The following KIF26B variants were observed in gnomAD, a reference collection of about 807,000 sequenced individuals.
KIF26B encodes the protein kinesin family member 26B, also known as kinesin-like protein KIF26B.
Under a neutral mutation model 151.2 loss-of-function variants are expected in KIF26B, and 63 were observed. The observed-to-expected ratio is 0.42, with a 90% confidence interval of 0.34 to 0.51. The LOEUF is 0.51. KIF26B is among the 20% of genes least tolerant of loss of function. KIF26B has a pLI of 0.07. For missense variants in KIF26B, 2,813 were observed against 2,913.6 expected (o/e 0.97, Z 0.79); for synonymous variants, 1,357 against 1,262.1 (o/e 1.08, Z -1.59).
intron 2 of KIF26B, among the ~76,000 whole-genome samples, chr1:245,158,219 A>G (rs1289981864): frequency 6.6e-6 from 1 of 152,150 alleles, no homozygotes; most frequent in African/African-American, 2.4e-5. Flanking sequence ...TATTCTTATA[A>G]TAGGCTTATT....
chr1:245,591,434 T>C (rs931401558), intron 5 of KIF26B, among the ~76,000 whole-genome samples: 1 of 152,222 alleles, frequency 6.6e-6, no homozygotes, highest in African/African-American at 2.4e-5. Flanking sequence ...AGGCCAGTAC[T>C]GTTATTATGG....
rs143765084 is a variant in KIF26B, at chr1:245,266,230, A to G, written c.466-100604A>G. 4.2e-3 allele frequency among the ~76,000 whole-genome samples: 636 copies of G among 152,316 alleles called. 3 individuals are homozygous for G. Among genetic ancestry groups the G allele is most frequent in the African/African-American group, 0.015 (610 of 41,570 alleles). On this transcript the variant is annotated intron_variant, in intron 2 of 14. Coordinates refer to ENST00000407071, the MANE Select transcript of KIF26B (RefSeq NM_018012.4). ...ATCAGAATTTAGGAACCCCAAATTAAAGCCATAATGATATACCATTTGATA... is the reference window on the plus strand; with the variant it reads ...ATCAGAATTTAGGAACCCCAAATTAGAGCCATAATGATATACCATTTGATA...
chr1:245,607,877 A>G (rs2043473647), intron 7 of KIF26B, 133 bp downstream of exon 7: 1 of 673,110 alleles, frequency 1.5e-6, no homozygotes, highest in Admixed American at 2.8e-5. Flanking sequence ...CTGAATAACC[A>G]ATAACAAGTT....
chr1:245,536,222 A>G (rs1220613488), intron 4 of KIF26B, among the ~76,000 whole-genome samples: 1 of 152,200 alleles, frequency 6.6e-6, no homozygotes, highest in African/African-American at 2.4e-5. Context: ...ATGGCTTATG[A>G]AAGTATCTGG....
At chr1:245,497,536 A>T (rs545027590) in intron 4 of KIF26B, among the ~76,000 whole-genome samples, 64 of 152,218 alleles carry the variant, frequency 4.2e-4, no homozygotes, top group Admixed American at 2.7e-3. Flanking sequence ...CTACTTGTAA[A>T]TAACCAACAG....
chr1:245,248,977 G>C (rs1481876042), intron 2 of KIF26B, among the ~76,000 whole-genome samples: 1 of 152,222 alleles, frequency 6.6e-6, no homozygotes, highest in Non-Finnish European at 1.5e-5. Context: ...TTTTTAGAGA[G>C]AGGTTTGAAA....
At chr1:245,388,371 CA>C (rs1244904333) in intron 3 of KIF26B, among the ~76,000 whole-genome samples, 2 of 152,152 alleles carry the variant, frequency 1.3e-5, no homozygotes, top group African/African-American at 4.8e-5. Context: ...ACTAAAGTAG[CA>C]CTTGCAGGAT....
At chr1:245,263,588 CTGTTG>C (rs1379463516) in intron 2 of KIF26B, among the ~76,000 whole-genome samples, 1 of 152,210 alleles carries the variant, frequency 6.6e-6, no homozygotes. Context: ...GCAGCGCCTG[CTGTTG>C]ATTTCATTTG....
rs138812443 is a variant in KIF26B, at chr1:245,555,329, G to A, written c.1350+14379G>A. On this transcript the variant is annotated intron_variant, in intron 5 of 14. Transcript: ENST00000407071. ...ACCAGACCATGAGAAGGTCATGAGC[G>A]CCTGGAACTAAGATCTCTCGAGTGC... Among the ~76,000 whole-genome samples, 371 of 152,260 alleles carry A rather than the reference G, an allele frequency of 2.4e-3. 1 individual carries two copies. Among genetic ancestry groups the A allele is most frequent in the Non-Finnish European group, 3.9e-3 (268 of 68,024 alleles).
intron 5 of KIF26B, among the ~76,000 whole-genome samples, chr1:245,547,169 T>C (rs1175837123): frequency 6.6e-6 from 1 of 152,222 alleles, no homozygotes; most frequent in Admixed American, 6.5e-5. Context: ...CACAGGGGCT[T>C]TCTTCTATGC....
At position 245,686,260 on chromosome 1, in the gene KIF26B, AC is replaced by A; in HGVS notation, c.3280del (p.Gln1094ArgfsTer38). The A allele has an allele frequency of 6.2e-7, 1 of 1,612,658 alleles. No homozygotes were observed. Among genetic ancestry groups the A allele is most frequent in the Non-Finnish European group, 8.5e-7 (1 of 1,179,850 alleles). On this transcript the variant is annotated frameshift_variant, in exon 12 of 15. Transcript: ENST00000407071. LOFTEE classifies it high-confidence loss of function. The surrounding 1 kb of genome is among the most constrained non-coding windows in gnomAD (Gnocchi z 5.6). ...TCCTTCCCAGAGATGCAAAGTCTAC[AC>A]CCAGAAGGGGGTCCTGCCGTCTCCC... ...SSPSQRCKVYTQKGVLPSPAP... is the reference protein window; with the variant it reads ...SSPSQRCKVYXQKGVLPSPAP...
chr1:245,230,693 A>G, intron 2 of KIF26B, among the ~76,000 whole-genome samples: 1 of 152,014 alleles, frequency 6.6e-6, no homozygotes, highest in East Asian at 1.9e-4. Flanking sequence ...TGGTGAGCCA[A>G]GATTGCGCCA....
intron 2 of KIF26B, among the ~76,000 whole-genome samples, chr1:245,240,174 G>A (rs2103559492): frequency 6.6e-6 from 1 of 152,198 alleles, no homozygotes; most frequent in South Asian, 2.1e-4. Flanking sequence ...AAAAAAAAGA[G>A]AGTCATTTCC....
At chr1:245,633,411 ATGG>A (rs925208893) in intron 9 of KIF26B, among the ~76,000 whole-genome samples, 2 of 151,784 alleles carry the variant, frequency 1.3e-5, no homozygotes, top group African/African-American at 4.8e-5. Context: ...CTGTTTTATG[ATGG>A]TTTTGTATAT....
At chr1:245,316,843 T>TTCAACGGAACAAGGACCCC (rs529833862) in intron 2 of KIF26B, among the ~76,000 whole-genome samples, 1 of 139,380 alleles carries the variant, frequency 7.2e-6, no homozygotes, top group African/African-American at 2.6e-5. Context: ...TCAAGGACCC[T>TTCAACGGAACAAGGACCCC]CACAATCACC....
intron 10 of KIF26B, among the ~76,000 whole-genome samples, chr1:245,676,027 C>G (rs2044353457): frequency 6.6e-6 from 1 of 152,140 alleles, no homozygotes; most frequent in Non-Finnish European, 1.5e-5. Context: ...AGCAGATCAC[C>G]TGTTACCATG....
chr1:245,344,494 CAAAAAAAA>C (rs57007301), intron 2 of KIF26B, among the ~76,000 whole-genome samples: 29 of 39,982 alleles, frequency 7.3e-4, no homozygotes, highest in African/African-American at 1.2e-3. Context: ...GACTCCGTCT[CAAAAAAAA>C]AAAAAAAAAA....
chr1:245,653,862 C>A (rs531625832), intron 10 of KIF26B, among the ~76,000 whole-genome samples: 1 of 151,666 alleles, frequency 6.6e-6, no homozygotes, highest in South Asian at 2.1e-4. Flanking sequence ...GAGTTTGAGA[C>A]CAGTCTGAAC....
chr1:245,445,802 C>T (rs1328926825), intron 4 of KIF26B, among the ~76,000 whole-genome samples: 1 of 152,182 alleles, frequency 6.6e-6, no homozygotes, highest in Non-Finnish European at 1.5e-5. Flanking sequence ...TTACACCCAT[C>T]ACTCTGCTCT....
Sources: allele counts gnomAD v4.1 joint callset (sites outside exome capture counted in the v4.1 genomes callset), GRCh38; gene constraint gnomAD v4.1.1; non-coding constraint Gnocchi (gnomAD v3.1); transcripts MANE v1.5; gene names NCBI Gene and HGNC (gene_info 2026-07-23, HGNC 2026-07-21).